Variants in ZFYVE9 observed in about 807,000 individuals in gnomAD.
ZFYVE9 encodes the protein zinc finger FYVE-type containing 9.
A neutral mutation model predicts 126.7 loss-of-function variants in ZFYVE9; 43 were observed. The ratio of observed to expected loss-of-function variants is 0.34; its 90% CI spans 0.27 to 0.44. The LOEUF is 0.44. ZFYVE9 is among the 20% of genes least tolerant of loss of function. ZFYVE9 has a pLI of 1.00. For missense variants in ZFYVE9, 1,476 were observed against 1,697.0 expected, an observed-to-expected ratio of 0.87 and a Z score of 2.29; for synonymous variants, 521 against 597.4, an observed-to-expected ratio of 0.87 and a Z score of 1.87.
chr1:52,274,387 C>G, intron 7 of ZFYVE9, 77 bp from the exon 8 acceptor site: 2 of 1,449,124 alleles, frequency 1.4e-6, no homozygotes, highest in Non-Finnish European at 1.9e-6. Context: ...CTTAAGTTCC[C>G]ATTTGTATTT....
intron 13 of ZFYVE9, among the ~76,000 whole-genome samples, chr1:52,331,773 C>CT (rs1172492745): frequency 0.062 from 8,228 of 132,622 alleles, 705 homozygotes; most frequent in African/African-American, 0.19. Flanking sequence ...GTGTCAAACT[C>CT]TTTTTTTTTT....
At chr1:52,210,159 G>C (rs1645014099) in intron 1 of ZFYVE9, among the ~76,000 whole-genome samples, 3 of 152,174 alleles carry the variant, frequency 2.0e-5, no homozygotes. Flanking sequence ...CTGAGTTTAT[G>C]AGACAAGTGG....
At chr1:52,162,838 A>G in intron 1 of ZFYVE9, 1 of 410,278 alleles carries the variant, frequency 2.4e-6, no homozygotes, top group Non-Finnish European at 4.7e-6. Flanking sequence ...TGTAACGTCG[A>G]TGAGAATGCC....
At chr1:52,246,274 A>G (rs2124640099) in intron 4 of ZFYVE9, among the ~76,000 whole-genome samples, 1 of 152,342 alleles carries the variant, frequency 6.6e-6, no homozygotes, top group Admixed American at 6.5e-5. Flanking sequence ...TACTATTTCA[A>G]AAAGAAAGAT....
chr1:52,210,981 G>A (rs1645023524), intron 1 of ZFYVE9, among the ~76,000 whole-genome samples: 1 of 152,104 alleles, frequency 6.6e-6, no homozygotes, highest in African/African-American at 2.4e-5. Context: ...GGGTTTTCAT[G>A]CAGTTGTAGT....
intron 1 of ZFYVE9, among the ~76,000 whole-genome samples, chr1:52,150,989 C>CT (rs57055558): frequency 0.084 from 10,757 of 127,572 alleles, 482 homozygotes; most frequent in African/African-American, 0.14. Flanking sequence ...TGATAATTGT[C>CT]TTTTTTTTTT....
At position 52,142,215 on chromosome 1, in the gene ZFYVE9, CGCCGATGCGGCTGGGCGGGT is replaced by C. The variant is rs1418279557; in HGVS notation, c.-326_-307del. 1 of 151,476 alleles carries C rather than the reference CGCCGATGCGGCTGGGCGGGT, an allele frequency of 6.6e-6. No homozygotes were observed. Among genetic ancestry groups the C allele is most frequent in the Non-Finnish European group, 1.5e-5 (1 of 67,762 alleles). The allele number at this position is 151,476 out of a possible 1,614,324, so 9.4% of individuals were successfully genotyped here. On this transcript the variant is annotated 5_prime_UTR_variant, in exon 1 of 19. It removes an upstream start codon present in the reference 5' UTR. Coordinates refer to ENST00000287727, the MANE Select transcript of ZFYVE9 (RefSeq NM_004799.4). This position sits in a 1 kb window ranked among gnomAD's most constrained non-coding sequence, Gnocchi z 4.5. ...ATCCGCGTGGCTGCCGCGGCCCGGG[CGCCGATGCGGCTGGGCGGGT>C]GCCGGGCCTTAGCAGCAGTAGCAGC...
intron 18 of ZFYVE9, 175 bp from the exon 19 acceptor site, chr1:52,345,885 A>G (rs1557530729): frequency 1.8e-6 from 1 of 565,010 alleles, no homozygotes; most frequent in Non-Finnish European, 2.8e-6. Flanking sequence ...GGTCAGGAGG[A>G]GTAAACAACA....
chr1:52,313,742 T>C (rs1251426660), intron 13 of ZFYVE9, among the ~76,000 whole-genome samples: 4 of 152,034 alleles, frequency 2.6e-5, no homozygotes, highest in African/African-American at 9.7e-5. Flanking sequence ...TTGAAAAGGA[T>C]GAAAGAATGG....
chr1:52,223,079 C>CT (rs1391986843), intron 2 of ZFYVE9, among the ~76,000 whole-genome samples: 1 of 152,076 alleles, frequency 6.6e-6, no homozygotes, highest in East Asian at 1.9e-4. Flanking sequence ...AAGAAAGTGA[C>CT]TATCTCTGAT....
intron 13 of ZFYVE9, among the ~76,000 whole-genome samples, chr1:52,305,570 T>G (rs1009620353): frequency 1.3e-5 from 2 of 152,114 alleles, no homozygotes; most frequent in Admixed American, 1.3e-4. Context: ...GGCTGCATAC[T>G]CCGTGGAGCC....
At chr1:52,206,307 G>A (rs956537112) in intron 1 of ZFYVE9, among the ~76,000 whole-genome samples, 15 of 152,246 alleles carry the variant, frequency 9.9e-5, no homozygotes, top group South Asian at 6.2e-4. Context: ...TGAATATGGC[G>A]TTTTATCTTG....
intron 10 of ZFYVE9, among the ~76,000 whole-genome samples, chr1:52,283,518 T>C (rs924753811): frequency 2.6e-5 from 4 of 152,208 alleles, no homozygotes; most frequent in Non-Finnish European, 5.9e-5. Flanking sequence ...AGAATACTGC[T>C]CAACAGTAAA....
At chr1:52,326,850 CA>C (rs762916574) in intron 13 of ZFYVE9, among the ~76,000 whole-genome samples, 2 of 150,596 alleles carry the variant, frequency 1.3e-5, no homozygotes, top group African/African-American at 2.4e-5. Context: ...GCCTGGGCAA[CA>C]AGAGTGAAAC....
intron 2 of ZFYVE9, among the ~76,000 whole-genome samples, chr1:52,230,634 G>A (rs1645212600): frequency 6.6e-6 from 1 of 151,854 alleles, no homozygotes; most frequent in Non-Finnish European, 1.5e-5. Flanking sequence ...GGGTTTTGCT[G>A]GGGTACCCTT....
rs1297026281 is a variant in ZFYVE9, at chr1:52,266,673, T to C, written c.2297T>C (p.Met766Thr). The change falls in exon 6 of 19, where the codon ATG (methionine) becomes ACG (threonine). Residue 766 changes from methionine (M) to threonine (T), a missense_variant. By Grantham distance (81) the Met-to-Thr change is moderately conservative. Transcript: ENST00000287727. Reference protein sequence around the residue: ...VLMNAQAWENMMSASSQSPNP... With the variant: ...VLMNAQAWENTMSASSQSPNP... Reference sequence around the variant, plus strand: ...GCTTTAGCTCAAGCCTGGGAGAACATGATGAGTGCCTCAAGCCAGAGCCCT... The same window carrying C: ...GCTTTAGCTCAAGCCTGGGAGAACACGATGAGTGCCTCAAGCCAGAGCCCT... The C allele has an allele frequency of 6.3e-7, 1 of 1,596,610 alleles. No individual in the cohort carries two copies. The highest frequency in any genetic ancestry group is 2.3e-5 in the East Asian group (1 of 43,962).
At position 52,239,393 on chromosome 1, in the gene ZFYVE9, G is replaced by C. The variant is rs1319222149; in HGVS notation, c.1976G>C (p.Arg659Thr). The change falls in exon 4 of 19, where the codon AGA becomes ACA. Residue 659 changes from arginine to threonine, a missense_variant. Physicochemically the swap from Arg to Thr is moderately conservative, Grantham distance 71 (BLOSUM62 -1). This residue lies in a region of ZFYVE9 where 807 missense variants were observed against 794.6 expected (regional missense o/e 1.02). Coordinates refer to ENST00000287727, the MANE Select transcript of ZFYVE9 (RefSeq NM_004799.4). ...AGTTATGAGGCTGAGATCTCCACTA[G>C]ACCATGCCTTGCATTAGCTCCAGAT... Reference protein sequence around the residue: ...LESYEAEISTRPCLALAPDSP... With the variant: ...LESYEAEISTTPCLALAPDSP... 27 of 1,614,142 alleles carry C rather than the reference G, an allele frequency of 1.7e-5. No homozygotes were observed. The highest frequency in any genetic ancestry group is 2.3e-5 in the Non-Finnish European group (27 of 1,180,024).
At chr1:52,236,681 A>G (rs1645276013) in intron 3 of ZFYVE9, among the ~76,000 whole-genome samples, 1 of 152,202 alleles carries the variant, frequency 6.6e-6, no homozygotes, top group Non-Finnish European at 1.5e-5. Flanking sequence ...ATTTAATATG[A>G]TAAATGAACA....
In ZFYVE9 at chr1:52,183,797, C is replaced by T. The variant is rs554066654; in HGVS notation, c.-142-32572C>T. Among the ~76,000 whole-genome samples, 3 of 152,110 alleles carry T rather than the reference C, an allele frequency of 2.0e-5. No individual in the cohort carries two copies. The East Asian group carries it at 5.8e-4, about 30-fold the overall frequency. The stretch of plus-strand genomic sequence containing the variant: ...CTAGGATTACTGGCGTGAGCCACCG[C>T]GTCCAGCCTCAGCTGTGTCTTTAAT... On this transcript the variant is annotated intron_variant, in intron 1 of 18. Coordinates refer to ENST00000287727, the MANE Select transcript of ZFYVE9 (RefSeq NM_004799.4).
Sources: allele counts gnomAD v4.1 joint callset (sites outside exome capture counted in the v4.1 genomes callset), GRCh38; gene constraint gnomAD v4.1.1; regional missense constraint gnomAD v4.1.1; non-coding constraint Gnocchi (gnomAD v3.1); transcripts MANE v1.5; gene names NCBI Gene and HGNC (gene_info 2026-07-23, HGNC 2026-07-21).